The following NPC1 variants were observed in gnomAD, a reference collection of about 807,000 sequenced individuals.
The protein encoded by NPC1 is NPC intracellular cholesterol transporter 1.
Under a neutral mutation model 140.4 loss-of-function variants are expected in NPC1, and 85 were observed. That is an observed-to-expected ratio of 0.61 (90% CI 0.51 to 0.72). NPC1 has a LOEUF of 0.72. NPC1 is among the 30% of genes least tolerant of loss of function. The probability of loss-of-function intolerance (pLI) is 0.00; values close to 1 mark genes in which losing one functional copy is unlikely to be tolerated. For missense variants in NPC1, 1,504 were observed against 1,623.8 expected (o/e 0.93, Z 1.27); for synonymous variants, 656 against 624.8 (o/e 1.05, Z -0.74).
chr18:23,544,947 C>CCCCCA lies in NPC1; in HGVS notation c.1947+12_1947+13insTGGGG, dbSNP rs199713263. On this transcript the variant is annotated intron_variant, in intron 12 of 24. Coordinates refer to ENST00000269228, the MANE Select transcript of NPC1 (RefSeq NM_000271.5). ...TTAACCTCTAGAACATACACCACCCCCCCCCGGCTTACCAGAAGCCTGCGA... is the reference window on the plus strand; with the variant it reads ...TTAACCTCTAGAACATACACCACCCCCCCCACCCCCGGCTTACCAGAAGCCTGCGA... 65 of 1,359,478 alleles carry CCCCCA rather than the reference C, an allele frequency of 4.8e-5. 2 individuals carry two copies. The highest frequency in any genetic ancestry group is 2.1e-4 in the South Asian group (18 of 84,438). The allele number at this position is 1,359,478 out of a possible 1,614,324, so 84.2% of individuals were successfully genotyped here.
downstream of NPC1, chr18:23,529,595 C>T: frequency 6.5e-7 from 1 of 1,546,386 alleles, no homozygotes; most frequent in Non-Finnish European, 8.9e-7. Flanking sequence ...CTCTTTTGCA[C>T]CTCGTTGGTA....
downstream of NPC1, chr18:23,529,896 C>T: frequency 9.4e-7 from 1 of 1,058,274 alleles, no homozygotes; most frequent in Non-Finnish European, 1.4e-6. Context: ...TCTTTACCTG[C>T]ATGACGAAAC....
In NPC1 at chr18:23,544,943, A is replaced by ACACCC. The variant is rs1555634621; in HGVS notation, c.1947+16_1947+17insGGGTG. ...GCTGTTAACCTCTAGAACATACACC[A>ACACCC]CCCCCCCCCGGCTTACCAGAAGCCT... On this transcript the variant is annotated intron_variant, in intron 12 of 24. Coordinates refer to ENST00000269228, the MANE Select transcript of NPC1 (RefSeq NM_000271.5). 3.8e-6 allele frequency: 4 copies of ACACCC among 1,042,300 alleles called. No individual in the cohort carries two copies. Among genetic ancestry groups the ACACCC allele is most frequent in the South Asian group, 2.7e-5 (2 of 74,780 alleles). 64.6% of individuals were successfully genotyped at this position (1,042,300 alleles called of 1,614,324 possible).
At chr18:23,514,029 G>T (rs1468669652) in intron 3 of NPC1, among the ~76,000 whole-genome samples, 2 of 152,124 alleles carry the variant, frequency 1.3e-5, no homozygotes, top group Admixed American at 6.6e-5. Flanking sequence ...CTTTTCATCT[G>T]TTCCAGCTTC....
At chr18:23,562,508 C>T (rs1176281025) in intron 4 of NPC1, among the ~76,000 whole-genome samples, 1 of 151,926 alleles carries the variant, frequency 6.6e-6, no homozygotes, top group South Asian at 2.1e-4. Context: ...CAAGGAGATG[C>T]TTACACATTC....
chr18:23,524,745 A>G (rs543879365), downstream of NPC1, among the ~76,000 whole-genome samples: 146 of 151,628 alleles, frequency 9.6e-4, no homozygotes, highest in Non-Finnish European at 1.6e-3. Context: ...GCCAGACTCC[A>G]CCCCAGGGTG....
chr18:23,529,569 G>T, downstream of NPC1: 1 of 1,421,816 alleles, frequency 7.0e-7, no homozygotes, highest in Admixed American at 1.7e-5. Context: ...GGGTTGGATA[G>T]AGAGTTATAT....
At chr18:23,549,107 A>G (rs183280501) in intron 10 of NPC1, among the ~76,000 whole-genome samples, 8 of 152,340 alleles carry the variant, frequency 5.3e-5, no homozygotes, top group Non-Finnish European at 8.8e-5. Context: ...TTCTTAAAGC[A>G]TAATCAATGA....
chr18:23,543,392 C>G, intron 14 of NPC1, 63 bp downstream of exon 14: 3 of 916,480 alleles, frequency 3.3e-6, no homozygotes, highest in Non-Finnish European at 5.4e-6. Context: ...GTTCAGGTAG[C>G]CAGCTCCTTC....
At chr18:23,552,075 G>A (rs1375174045) in intron 9 of NPC1, among the ~76,000 whole-genome samples, 1 of 152,190 alleles carries the variant, frequency 6.6e-6, no homozygotes, top group Non-Finnish European at 1.5e-5. Context: ...AAAGAGGGAG[G>A]ACAAAAGGGT....
rs2058754492 is a variant in NPC1 at position 23,544,406 on chromosome 18, T to C, written c.2068A>G (p.Ile690Val). The change falls in exon 13 of 25, where the codon ATC becomes GTC. Residue 690 changes from isoleucine to valine, a missense_variant. Physicochemically the swap from Ile to Val is conservative, Grantham distance 29 (BLOSUM62 3). Transcript: ENST00000269228. ...LPLTLIVIEV[I>V]PFLVLAVGVD... is the part of the protein sequence containing the mutation. ...CCAACAGCCAGCACCAGGAACGGGA[T>C]GACTTCAATCACAATGAGGGTCAAG... The C allele has an allele frequency of 1.9e-6, 3 of 1,613,798 alleles. No homozygotes were observed. The African/African-American group carries it at 4.0e-5, about 22-fold the overall frequency.
intron 11 of NPC1, among the ~76,000 whole-genome samples, chr18:23,547,065 G>A (rs975104745): frequency 3.3e-5 from 5 of 152,032 alleles, no homozygotes; most frequent in African/African-American, 4.8e-5. Flanking sequence ...TGAGCCTCTC[G>A]TCTGGGCCTC....
At chr18:23,514,591 GAACT>G (rs1408039547) in intron 3 of NPC1, among the ~76,000 whole-genome samples, 1 of 152,010 alleles carries the variant, frequency 6.6e-6, no homozygotes, top group Non-Finnish European at 1.5e-5. Flanking sequence ...ACCAATAGGA[GAACT>G]TTAAACAAAC....
rs537612874 is a variant in NPC1 at position 23,533,586 on chromosome 18, C to G, written c.3592-69G>C. The G allele has an allele frequency of 1.1e-5, 16 of 1,462,878 alleles. No individual in the cohort carries two copies. The African/African-American group carries it at 1.9e-4, about 18-fold the overall frequency. The allele number at this position is 1,462,878 out of a possible 1,614,324, so 90.6% of individuals were successfully genotyped here. On this transcript the variant is annotated intron_variant, in intron 23 of 24. Coordinates refer to ENST00000269228, the MANE Select transcript of NPC1 (RefSeq NM_000271.5). ...GTAATTGAACAAAAACACTTCCTTA[C>G]AAGGATTTCTCCCAGGTTCAAGTGA...
chr18:23,581,432 T>G (rs2059354106), intron 1 of NPC1, among the ~76,000 whole-genome samples: 1 of 152,218 alleles, frequency 6.6e-6, no homozygotes, highest in Non-Finnish European at 1.5e-5. Context: ...AGTCAGAAGA[T>G]GGCAGTTGAA....
chr18:23,546,041 G>A (rs1359031533), intron 11 of NPC1, among the ~76,000 whole-genome samples: 3 of 152,142 alleles, frequency 2.0e-5, no homozygotes, highest in South Asian at 2.1e-4. Context: ...CTGAGGTCAA[G>A]AGTTCGAGAC....
intron 6 of NPC1, among the ~76,000 whole-genome samples, chr18:23,559,272 G>T (rs1004553111): frequency 1.3e-5 from 2 of 152,120 alleles, no homozygotes; most frequent in African/African-American, 4.8e-5. Context: ...GGTATTTCTA[G>T]TTCTAGATGT....
Position 23,540,470 on chromosome 18 carries a change from T to A in NPC1, c.2582A>T (p.Asp861Val). 6.2e-7 allele frequency: 1 copy of A among 1,605,484 alleles called. No individual in the cohort carries two copies. The highest frequency in any genetic ancestry group is 8.5e-7 in the Non-Finnish European group (1 of 1,174,118). Residue 861 changes from aspartate to valine, a missense_variant, in exon 17 of 25, where the codon GAT becomes GTT. Physicochemically the swap from Asp to Val is radical, Grantham distance 152. Coordinates refer to ENST00000269228, the MANE Select transcript of NPC1 (RefSeq NM_000271.5). ...TACATCTGGCATCGAAAGAGACTGATCCAATCCAATATCTACTTTGTTCAG... is the reference window on the plus strand; with the variant it reads ...TACATCTGGCATCGAAAGAGACTGAACCAATCCAATATCTACTTTGTTCAG... ...AVLNKVDIGL[D>V]QSLSMPDDSY...
intron 4 of NPC1, 54 bp from the exon 5 acceptor site, chr18:23,561,581 G>A (rs761271432): frequency 6.8e-5 from 108 of 1,580,928 alleles, no homozygotes; most frequent in African/African-American, 9.4e-5. Flanking sequence ...TGTAATTCAC[G>A]AGGCAAGATC....
Sources: gnomAD v4.1 joint callset for allele counts (sites outside exome capture counted in the v4.1 genomes callset) on GRCh38, gnomAD v4.1.1 for gene constraint, MANE v1.5 for transcripts, NCBI Gene and HGNC (gene_info 2026-07-23, HGNC 2026-07-21) for gene names.